CCND2: variants seen among roughly 807,000 people sequenced by gnomAD.
The protein encoded by CCND2 is G1/S-specific cyclin-D2.
CCND2 carries 6 observed loss-of-function variants against 30.2 expected under a neutral mutation model. The observed-to-expected ratio is 0.20, with a 90% confidence interval of 0.11 to 0.39. The LOEUF (loss-of-function observed/expected upper bound fraction) is 0.39. CCND2 is among the 10% of genes least tolerant of loss of function. CCND2 has a pLI of 1.00. For synonymous variants in CCND2, 150 were observed against 153.1 expected, an observed-to-expected ratio of 0.98 and a Z score of 0.15; for missense variants, 235 against 373.4, an observed-to-expected ratio of 0.63 and a Z score of 3.06.
chr12:4,286,930 C>G (rs1864031344), intron 3 of CCND2, among the ~76,000 whole-genome samples: 1 of 152,236 alleles, frequency 6.6e-6, no homozygotes, highest in Non-Finnish European at 1.5e-5. Context: ...TTTGTGGGCC[C>G]AGGGCCATGG....
At position 4,288,981 on chromosome 12, in the gene CCND2, C is replaced by T. The variant is rs752282475; in HGVS notation, c.711C>T (p.Asn237=). 1.2e-6 allele frequency: 2 copies of T among 1,611,646 alleles called. No individual in the cohort carries two copies. The highest frequency in any genetic ancestry group is 3.4e-5 in the Admixed American group (2 of 59,634). Residue 237 remains asparagine (N), a synonymous_variant, in exon 4 of 5, where the codon AAC becomes AAT. Transcript: ENST00000261254. The part of the protein sequence containing the change: ...ALTELLAKIT[N]TDVDCLKACQ... Reference sequence around the variant, plus strand: ...CTGAGCTGCTGGCTAAGATCACCAACACAGACGTGGTAGGTGGCCACCACC... The same window carrying T: ...CTGAGCTGCTGGCTAAGATCACCAATACAGACGTGGTAGGTGGCCACCACC...
chr12:4,305,210 C>CT lies in CCND2; in HGVS notation c.*5205dup, dbSNP rs1565440488. Reference sequence around the variant, plus strand: ...ATGGTGACATGATATAGTCAGCTGCCTTTTAAGAGGTCTTATCTGTTCAGT... The same window carrying CT: ...ATGGTGACATGATATAGTCAGCTGCCTTTTTAAGAGGTCTTATCTGTTCAGT... On this transcript the variant is annotated 3_prime_UTR_variant, in exon 5 of 5. Coordinates refer to ENST00000261254, the MANE Select transcript of CCND2 (RefSeq NM_001759.4). The surrounding 1 kb of genome is among the most constrained non-coding windows in gnomAD (Gnocchi z 6.4). 4.3e-6 allele frequency: 1 copy of CT among 232,956 alleles called. No homozygotes were observed. Among genetic ancestry groups the CT allele is most frequent in the South Asian group, 1.8e-4 (1 of 5,506 alleles). 14.4% of individuals were successfully genotyped at this position (232,956 alleles called of 1,614,324 possible). A position where few individuals can be genotyped will look rare whatever the true frequency, so the allele number is the denominator to read the frequency against.
Position 4,301,942 on chromosome 12 carries a change from TG to T in CCND2, c.*1935del. The T allele has an allele frequency of 4.3e-6, 1 of 231,672 alleles. No homozygotes were observed. Among genetic ancestry groups the T allele is most frequent in the Non-Finnish European group, 8.5e-6 (1 of 117,192 alleles). 14.4% of individuals were successfully genotyped at this position (231,672 alleles called of 1,614,324 possible). A position where few individuals can be genotyped will look rare whatever the true frequency, so the allele number is the denominator to read the frequency against. On this transcript the variant is annotated 3_prime_UTR_variant, in exon 5 of 5. Transcript: ENST00000261254. ...TTTTTTTTTTTCTTTTTTGGTTTTT[TG>T]GTTTTTTTTTTTTCCTCTGATCACA...
At chr12:4,278,984 G>A (rs2120532622) in intron 3 of CCND2, 65 bp downstream of exon 3, 8 of 1,503,182 alleles carry the variant, frequency 5.3e-6, no homozygotes, top group Non-Finnish European at 7.2e-6. Context: ...CCGGGGAGAG[G>A]CAAAAGGCCG....
rs182871904 is a variant in CCND2 at position 4,282,961 on chromosome 12, C to T, written c.571+4042C>T. 6.6e-6 allele frequency among the ~76,000 whole-genome samples: 1 copy of T among 152,320 alleles called. No individual in the cohort carries two copies. Among genetic ancestry groups the T allele is most frequent in the African/African-American group, 2.4e-5 (1 of 41,586 alleles). ...ATGGGGAAAGCCTGACCTGGCCTTC[C>T]CTTTCTTCTTCAGCGTCAGAGTGCG... On this transcript the variant is annotated intron_variant, in intron 3 of 4. Coordinates refer to ENST00000261254, the MANE Select transcript of CCND2 (RefSeq NM_001759.4). The surrounding 1 kb of genome is among the most constrained non-coding windows in gnomAD (Gnocchi z 4.3).
At chr12:4,280,883 C>T (rs147500677) in intron 3 of CCND2, among the ~76,000 whole-genome samples, 3 of 152,306 alleles carry the variant, frequency 2.0e-5, no homozygotes, top group East Asian at 1.9e-4. Flanking sequence ...GTGGAGTTAC[C>T]GGGGTGTGGG....
intron 3 of CCND2, among the ~76,000 whole-genome samples, chr12:4,284,827 C>G (rs570746807): frequency 6.6e-6 from 1 of 151,736 alleles, no homozygotes; most frequent in East Asian, 1.9e-4. Context: ...CCTCCAACTC[C>G]CGGGTTCAAG....
At position 4,305,139 on chromosome 12, in the gene CCND2, C is replaced by A. The variant is rs536822575; in HGVS notation, c.*5130C>A. On this transcript the variant is annotated 3_prime_UTR_variant, in exon 5 of 5. Coordinates refer to ENST00000261254, the MANE Select transcript of CCND2 (RefSeq NM_001759.4). This position sits in a 1 kb window ranked among gnomAD's most constrained non-coding sequence, Gnocchi z 6.4. ...TGATAAGTAGCATGATCAGTGTATG[C>A]GAAAAGGTTTTTAGGAAGTATGGCA... The A allele has an allele frequency of 8.6e-6, 2 of 233,184 alleles. No individual in the cohort carries two copies. The highest frequency in any genetic ancestry group is 1.7e-5 in the Non-Finnish European group (2 of 117,970). 14.4% of individuals were successfully genotyped at this position (233,184 alleles called of 1,614,324 possible). A position where few individuals can be genotyped will look rare whatever the true frequency, so the allele number is the denominator to read the frequency against.
At position 4,276,215 on chromosome 12, in the gene CCND2, C is replaced by A; in HGVS notation, c.406C>A (p.Leu136Met). The change falls in exon 2 of 5, where the codon CTG (leucine) becomes ATG (methionine). Residue 136 changes from leucine (L) to methionine (M), a missense_variant. Physicochemically the swap from Leu to Met is conservative, Grantham distance 15 (BLOSUM62 2). Around this residue, in one of 2 missense-constraint regions of CCND2, gnomAD observed 178 missense variants for 322.8 expected, o/e 0.55. Coordinates refer to ENST00000261254, the MANE Select transcript of CCND2 (RefSeq NM_001759.4). This position sits in a 1 kb window ranked among gnomAD's most constrained non-coding sequence, Gnocchi z 4.8. ...YTDNSIKPQE[L>M]LEWELVVLGK... ...CGACAACTCCATCAAGCCTCAGGAG[C>A]TGCTGGTAATGACCGGCCCCTTCCT... The A allele has an allele frequency of 6.2e-7, 1 of 1,613,474 alleles. No individual in the cohort carries two copies. Among genetic ancestry groups the A allele is most frequent in the Non-Finnish European group, 8.5e-7 (1 of 1,179,454 alleles).
intron 4 of CCND2, among the ~76,000 whole-genome samples, chr12:4,291,987 G>A (rs571431718): frequency 3.7e-4 from 57 of 152,252 alleles, no homozygotes; most frequent in Admixed American, 5.2e-4. Context: ...TAATGCGTAC[G>A]GAGTTTCAGT....
chr12:4,299,989 G>T lies in CCND2; in HGVS notation c.850G>T (p.Val284Leu). The part of the protein sequence containing the change: ...ELDQASTPTD[V>L]RDIDL The stretch of plus-strand genomic sequence containing the variant: ...GGACCAAGCCAGCACCCCTACAGAC[G>T]TGCGGGATATCGACCTGTGAGGATG... Residue 284 changes from valine to leucine, a missense_variant, in exon 5 of 5, where the codon GTG becomes TTG. Physicochemically the swap from Val to Leu is conservative, Grantham distance 32. Around this residue, in one of 2 missense-constraint regions of CCND2, gnomAD observed 57 missense variants for 50.7 expected, o/e 1.12. Coordinates refer to ENST00000261254, the MANE Select transcript of CCND2 (RefSeq NM_001759.4). The surrounding 1 kb of genome is among the most constrained non-coding windows in gnomAD (Gnocchi z 5.2). 6.2e-7 allele frequency: 1 copy of T among 1,614,006 alleles called. No homozygotes were observed. Among genetic ancestry groups the T allele is most frequent in the Non-Finnish European group, 8.5e-7 (1 of 1,179,934 alleles).
rs1301738822 is a variant in CCND2 at position 4,274,683 on chromosome 12, G to A, written c.195+448G>A. Among the ~76,000 whole-genome samples, 1 of 152,222 alleles carries A rather than the reference G, an allele frequency of 6.6e-6. No individual in the cohort carries two copies. Among genetic ancestry groups the A allele is most frequent in the East Asian group, 1.9e-4 (1 of 5,192 alleles). Reference sequence around the variant, plus strand: ...TGGCCTCAGGTCCCCGCCTGTGGTCGCGACTCCGCGCTGGCACTTCACCGG... The same window carrying A: ...TGGCCTCAGGTCCCCGCCTGTGGTCACGACTCCGCGCTGGCACTTCACCGG... On this transcript the variant is annotated intron_variant, in intron 1 of 4. Coordinates refer to ENST00000261254, the MANE Select transcript of CCND2 (RefSeq NM_001759.4). The surrounding 1 kb of genome is among the most constrained non-coding windows in gnomAD (Gnocchi z 7.7).
rs1277421874 is a variant in CCND2, at chr12:4,301,998, A to C, written c.*1989A>C. ...TCAAAGACGGAGTATTCTTTACCTC[A>C]GGTTTACTGGACAAAATCAATAACT... is the stretch of plus-strand genomic sequence containing the variant. On this transcript the variant is annotated 3_prime_UTR_variant, in exon 5 of 5. Transcript: ENST00000261254. The C allele has an allele frequency of 4.4e-6, 1 of 226,316 alleles. No homozygotes were observed. The highest frequency in any genetic ancestry group is 8.6e-6 in the Non-Finnish European group (1 of 116,326). The allele number at this position is 226,316 out of a possible 1,614,324, so 14.0% of individuals were successfully genotyped here.
intron 3 of CCND2, among the ~76,000 whole-genome samples, chr12:4,281,570 C>T (rs577446885): frequency 6.6e-6 from 1 of 152,004 alleles, no homozygotes; most frequent in Admixed American, 6.6e-5. Flanking sequence ...ATGTTCCGTC[C>T]TGGAGCTGAT....
In CCND2 at chr12:4,304,959, T is replaced by C; in HGVS notation, c.*4950T>C. On this transcript the variant is annotated 3_prime_UTR_variant, in exon 5 of 5. Coordinates refer to ENST00000261254, the MANE Select transcript of CCND2 (RefSeq NM_001759.4). The surrounding 1 kb of genome is among the most constrained non-coding windows in gnomAD (Gnocchi z 6.2). ...CTCTCTCTCTCCTCTCTCTCAGTTA[T>C]GTAGTTTCTTGTCTTGGACTTTTTT... 4.3e-6 allele frequency: 1 copy of C among 233,274 alleles called. No homozygotes were observed. Among genetic ancestry groups the C allele is most frequent in the South Asian group, 1.8e-4 (1 of 5,508 alleles). 14.5% of individuals were successfully genotyped at this position (233,274 alleles called of 1,614,324 possible).
At chr12:4,295,055 T>C (rs1479100446) in intron 4 of CCND2, among the ~76,000 whole-genome samples, 1 of 152,186 alleles carries the variant, frequency 6.6e-6, no homozygotes, top group African/African-American at 2.4e-5. Flanking sequence ...CTCCTCTGCC[T>C]TCACTTCCCA....
At chr12:4,290,804 G>A (rs3217869) in intron 4 of CCND2, among the ~76,000 whole-genome samples, 76,055 of 152,002 alleles carry the variant, frequency 0.5, 20,363 homozygotes, top group East Asian at 0.89. Flanking sequence ...TCTCATCTGG[G>A]GAAACTGTTT....
chr12:4,284,721 C>CTTTTTTTTTTTTTTTTTTTTT (rs545047517), intron 3 of CCND2, among the ~76,000 whole-genome samples: 1 of 144,196 alleles, frequency 6.9e-6, no homozygotes, highest in Non-Finnish European at 1.5e-5. Flanking sequence ...AGCCTCCTTT[C>CTTTTTTTTTTTTTTTTTTTTT]TTTTTTTTTT....
chr12:4,278,863 A>G lies in CCND2; in HGVS notation c.515A>G (p.Glu172Gly), dbSNP rs765154003. Residue 172 changes from glutamate (E) to glycine (G), a missense_variant, in exon 3 of 5, where the codon GAG (glutamate) becomes GGG (glycine). Physicochemically the swap from Glu to Gly is moderately conservative, Grantham distance 98. This residue lies in a region of CCND2 where 178 missense variants were observed against 322.8 expected (regional missense o/e 0.55). Coordinates refer to ENST00000261254, the MANE Select transcript of CCND2 (RefSeq NM_001759.4). ...TTGCGCAAGCTGCCCCAGCAGCGGG[A>G]GAAGCTGTCTCTGATCCGCAAGCAT... ...HILRKLPQQR[E>G]KLSLIRKHAQ... is the part of the protein sequence containing the mutation. 3.1e-6 allele frequency: 5 copies of G among 1,614,158 alleles called. No homozygotes were observed. Among genetic ancestry groups the G allele is most frequent in the East Asian group, 2.2e-5 (1 of 44,880 alleles).
Sources: gnomAD v4.1 joint callset for allele counts (sites outside exome capture counted in the v4.1 genomes callset) on GRCh38, gnomAD v4.1.1 for gene constraint, gnomAD v4.1.1 regional missense constraint, Gnocchi (gnomAD v3.1) non-coding constraint, MANE v1.5 for transcripts, NCBI Gene and HGNC (gene_info 2026-07-23, HGNC 2026-07-21) for gene names.